LDLRAP1: variants seen among roughly 807,000 people sequenced by gnomAD.
LDLRAP1 encodes the protein low density lipoprotein receptor adapter protein 1.
A neutral mutation model predicts 37.8 loss-of-function variants in LDLRAP1; 30 were observed. The ratio of observed to expected loss-of-function variants is 0.79; its 90% CI spans 0.59 to 1.08. LDLRAP1 has a LOEUF of 1.08. Ranked by LOEUF, LDLRAP1 falls within the 50% of genes least tolerant of loss-of-function variation. The pLI, the probability that LDLRAP1 is intolerant of heterozygous loss-of-function variation, is 0.00. For missense variants in LDLRAP1, 375 were observed against 401.6 expected (o/e 0.93, Z 0.57); for synonymous variants, 156 against 169.8 (o/e 0.92, Z 0.63).
chr1:25,573,393 G>A (rs2044631293), downstream of LDLRAP1, among the ~76,000 whole-genome samples: 1 of 152,196 alleles, frequency 6.6e-6, no homozygotes, highest in Admixed American at 6.5e-5. Flanking sequence ...GGTGGTCCCT[G>A]CAGGGGCTCA....
the LDLRAP1 span, among the ~76,000 whole-genome samples, chr1:25,581,949 G>T: frequency 2.0e-5 from 3 of 152,202 alleles, no homozygotes; most frequent in Non-Finnish European, 2.9e-5. Flanking sequence ...CAGCTTCCTG[G>T]GCAACGGCCT....
chr1:25,589,299 ATC>A, the LDLRAP1 span, among the ~76,000 whole-genome samples: 19 of 151,752 alleles, frequency 1.3e-4, no homozygotes, highest in African/African-American at 3.4e-4. Context: ...GCAACACTCC[ATC>A]TCAAAAGAAA....
chr1:25,556,995 G>A (rs1366016377), intron 3 of LDLRAP1, among the ~76,000 whole-genome samples, 158 bp from the exon 4 acceptor site: 2 of 152,112 alleles, frequency 1.3e-5, no homozygotes, highest in Non-Finnish European at 2.9e-5. Flanking sequence ...GATGGCCTAG[G>A]TACCCAGCCT....
downstream of LDLRAP1, among the ~76,000 whole-genome samples, chr1:25,569,201 A>C (rs1359813146): frequency 6.6e-6 from 1 of 152,206 alleles, no homozygotes; most frequent in East Asian, 1.9e-4. Flanking sequence ...TGCAGTGTGC[A>C]TGAGGTTGTG....
the LDLRAP1 span, among the ~76,000 whole-genome samples, chr1:25,577,912 T>C: frequency 2.9e-4 from 44 of 152,304 alleles, no homozygotes; most frequent in African/African-American, 1.0e-3. Flanking sequence ...GCACCAGCTA[T>C]TGGGACTGTT....
At chr1:25,546,863 T>C (rs541341275) in intron 1 of LDLRAP1, among the ~76,000 whole-genome samples, 3 of 152,208 alleles carry the variant, frequency 2.0e-5, no homozygotes, top group African/African-American at 7.2e-5. Context: ...CTATCATTAG[T>C]ATTAGTATAT....
chr1:25,566,566 C>A (rs974925062), intron 8 of LDLRAP1, among the ~76,000 whole-genome samples: 2 of 152,116 alleles, frequency 1.3e-5, no homozygotes, highest in Non-Finnish European at 2.9e-5. Context: ...TTACCAGCCC[C>A]TTCTCCTCTT....
intron 1 of LDLRAP1, among the ~76,000 whole-genome samples, chr1:25,552,544 C>G (rs1390938327): frequency 6.6e-6 from 1 of 152,198 alleles, no homozygotes; most frequent in African/African-American, 2.4e-5. Flanking sequence ...TAAAATGGTG[C>G]AGTCATAACA....
At chr1:25,548,059 C>T (rs559374310) in intron 1 of LDLRAP1, among the ~76,000 whole-genome samples, 3 of 152,326 alleles carry the variant, frequency 2.0e-5, no homozygotes, top group East Asian at 3.9e-4. Context: ...GCTTGGGCTG[C>T]AGGAGGCAGG....
At position 25,567,136 on chromosome 1, in the gene LDLRAP1, C is replaced by A; in HGVS notation, c.*144C>A. The stretch of plus-strand genomic sequence containing the variant: ...CCTGAAGATCAGAGCTGCAGCCAGT[C>A]AGGCAGGGGAGAGATTTTTCTTTTA... On this transcript the variant is annotated 3_prime_UTR_variant, in exon 9 of 9. Transcript: ENST00000374338. The A allele has an allele frequency of 9.9e-7, 1 of 1,007,066 alleles. No homozygotes were observed. 62.4% of individuals were successfully genotyped at this position (1,007,066 alleles called of 1,614,324 possible).
At chr1:25,571,694 G>C (rs985435281), downstream of LDLRAP1, among the ~76,000 whole-genome samples, 5 of 152,256 alleles carry the variant, frequency 3.3e-5, no homozygotes, top group Non-Finnish European at 7.3e-5. Context: ...GCCTCTGCAG[G>C]TCACTTGGGA....
At chr1:25,578,142 G>C in the LDLRAP1 span, among the ~76,000 whole-genome samples, 1 of 116,388 alleles carries the variant, frequency 8.6e-6, no homozygotes, top group Non-Finnish European at 2.0e-5. Flanking sequence ...AACACTGGGA[G>C]AGTTATTTCC....
At chr1:25,558,805 G>A (rs779239698) in intron 4 of LDLRAP1, among the ~76,000 whole-genome samples, 3 of 152,174 alleles carry the variant, frequency 2.0e-5, no homozygotes, top group Non-Finnish European at 4.4e-5. Context: ...GCTGTGTAAG[G>A]CAGCATTCAC....
At chr1:25,566,321 T>C (rs1165961604) in intron 8 of LDLRAP1, among the ~76,000 whole-genome samples, 1 of 152,186 alleles carries the variant, frequency 6.6e-6, no homozygotes, top group East Asian at 1.9e-4. Flanking sequence ...GAAGCATTGC[T>C]CCAGGCTGTT....
chr1:25,574,087 G>A, the LDLRAP1 span, among the ~76,000 whole-genome samples: 1 of 152,262 alleles, frequency 6.6e-6, no homozygotes, highest in African/African-American at 2.4e-5. Flanking sequence ...TGGACAGAGT[G>A]CTGGAGGAGG....
chr1:25,549,728 C>G (rs1391801424), intron 1 of LDLRAP1, among the ~76,000 whole-genome samples: 2 of 150,428 alleles, frequency 1.3e-5, no homozygotes, highest in Non-Finnish European at 2.9e-5. Flanking sequence ...ATAAGGCCTC[C>G]GGCTGTGGCT....
chr1:25,567,486 G>C lies in LDLRAP1; in HGVS notation c.*494G>C, dbSNP rs1221136284. 3.6e-6 allele frequency: 1 copy of C among 276,546 alleles called. No homozygotes were observed. Among genetic ancestry groups the C allele is most frequent in the Admixed American group, 5.1e-5 (1 of 19,594 alleles). 17.1% of individuals were successfully genotyped at this position (276,546 alleles called of 1,614,324 possible). Reference sequence around the variant, plus strand: ...GGAGAGCACCCACAGCCGCAGAAGGGGAATGTGTCCTCCTGCTCTGCTTCC... The same window carrying C: ...GGAGAGCACCCACAGCCGCAGAAGGCGAATGTGTCCTCCTGCTCTGCTTCC... On this transcript the variant is annotated 3_prime_UTR_variant, in exon 9 of 9. Transcript: ENST00000374338.
chr1:25,543,929 T>G, intron 1 of LDLRAP1, 143 bp downstream of exon 1: 1 of 432,706 alleles, frequency 2.3e-6, no homozygotes, highest in Non-Finnish European at 3.6e-6. Context: ...TTCCCGGCCC[T>G]GCGGGGCAGG....
chr1:25,586,250 G>A, the LDLRAP1 span, among the ~76,000 whole-genome samples: 15,841 of 152,034 alleles, frequency 0.1, 1,849 homozygotes, highest in African/African-American at 0.25. The surrounding 1 kb of genome is among the most constrained non-coding windows in gnomAD (Gnocchi z 4.3). Context: ...GAGAAAGCGC[G>A]ACCAAGAACT....
Sources: gnomAD v4.1 joint callset for allele counts (sites outside exome capture counted in the v4.1 genomes callset) on GRCh38, gnomAD v4.1.1 for gene constraint, Gnocchi (gnomAD v3.1) non-coding constraint, MANE v1.5 for transcripts, NCBI Gene and HGNC (gene_info 2026-07-23, HGNC 2026-07-21) for gene names.